The following CLPB variants were observed in gnomAD, a reference collection of about 807,000 sequenced individuals.
CLPB encodes the protein ClpB family mitochondrial disaggregase.
In CLPB, 40 loss-of-function variants were observed where a neutral mutation model predicts 78.4. That is an observed-to-expected ratio of 0.51 (90% CI 0.40 to 0.66). The LOEUF (loss-of-function observed/expected upper bound fraction) is 0.66, where lower values mean the gene tolerates loss of function less well. Among genes scored for constraint, CLPB ranks in the 30% least tolerant of loss-of-function variants. The probability of loss-of-function intolerance (pLI) is 0.00; values close to 1 mark genes in which losing one functional copy is unlikely to be tolerated. For missense variants in CLPB, 780 were observed against 886.9 expected, an observed-to-expected ratio of 0.88 and a Z score of 1.53; for synonymous variants, 333 against 348.0, an observed-to-expected ratio of 0.96 and a Z score of 0.48.
intron 2 of CLPB, among the ~76,000 whole-genome samples, chr11:72,423,507 T>G (rs1330724372): frequency 6.6e-6 from 1 of 152,264 alleles, no homozygotes; most frequent in Admixed American, 6.5e-5. Context: ...CCATCTCTGC[T>G]GCTGTCATCT....
At chr11:72,387,764 G>A (rs1314718144) in intron 3 of CLPB, among the ~76,000 whole-genome samples, 1 of 151,986 alleles carries the variant, frequency 6.6e-6, no homozygotes, top group Non-Finnish European at 1.5e-5. Flanking sequence ...ATCTATACCT[G>A]ACCACCCTAG....
At chr11:72,341,836 A>G in intron 5 of CLPB, among the ~76,000 whole-genome samples, 1 of 152,198 alleles carries the variant, frequency 6.6e-6, no homozygotes, top group Non-Finnish European at 1.5e-5. Flanking sequence ...GGCTTAATTT[A>G]TAGGCAGTGG....
chr11:72,393,903 T>C (rs1855326506), intron 3 of CLPB, among the ~76,000 whole-genome samples: 1 of 152,222 alleles, frequency 6.6e-6, no homozygotes, highest in Admixed American at 6.5e-5. Context: ...CCCTATTTTT[T>C]CACCCAATAT....
chr11:72,385,820 TCAAA>T (rs780250988), intron 3 of CLPB, among the ~76,000 whole-genome samples: 32 of 152,200 alleles, frequency 2.1e-4, no homozygotes, highest in Non-Finnish European at 3.2e-4. Flanking sequence ...AGACGCCGTC[TCAAA>T]CAAACAACAA....
At chr11:72,416,966 T>C (rs560668336) in intron 2 of CLPB, among the ~76,000 whole-genome samples, 2 of 152,252 alleles carry the variant, frequency 1.3e-5, no homozygotes, top group Non-Finnish European at 2.9e-5. Context: ...CACACGTTGC[T>C]TTTGGGAATG....
chr11:72,405,309 C>G (rs1855677744), intron 2 of CLPB, among the ~76,000 whole-genome samples: 2 of 152,206 alleles, frequency 1.3e-5, no homozygotes, highest in African/African-American at 2.4e-5. Flanking sequence ...GCATGCACAG[C>G]CAACACAAGA....
intron 2 of CLPB, among the ~76,000 whole-genome samples, chr11:72,418,836 AGAGT>A (rs1406916581): frequency 6.7e-6 from 1 of 149,332 alleles, no homozygotes; most frequent in African/African-American, 2.5e-5. Context: ...CCCTGGTGAC[AGAGT>A]GAGACTCCAT....
Position 72,358,953 on chromosome 11 carries a change from G to C in CLPB, c.702C>G (p.Phe234Leu). 6.2e-7 allele frequency: 1 copy of C among 1,613,298 alleles called. No individual in the cohort carries two copies. The highest frequency in any genetic ancestry group is 8.5e-7 in the Non-Finnish European group (1 of 1,179,914). ...FNNRLNNRASFKGCTALHYAV... is the reference protein window; with the variant it reads ...FNNRLNNRASLKGCTALHYAV... ...CATAGTGCAAGGCCGTGCAGCCCTT[G>C]AAACTGGCGCGGTTGTTCAGCCTGT... The change falls in exon 5 of 16, where the codon TTC becomes TTG. Residue 234 changes from phenylalanine to leucine, a missense_variant. Transcript: ENST00000538039.
chr11:72,334,522 C>G (rs1347220161), intron 5 of CLPB, among the ~76,000 whole-genome samples: 2 of 152,248 alleles, frequency 1.3e-5, no homozygotes, highest in Non-Finnish European at 2.9e-5. Flanking sequence ...TTGATAGAAC[C>G]TGACTTCTAC....
At chr11:72,350,265 T>TGCCC (rs58771355) in intron 5 of CLPB, among the ~76,000 whole-genome samples, 28,558 of 151,888 alleles carry the variant, frequency 0.19, 4,449 homozygotes, top group African/African-American at 0.44. Context: ...CTCCCCAAAA[T>TGCCC]TGGACTAGAC....
At chr11:72,433,331 G>A (rs956973417) in intron 1 of CLPB, among the ~76,000 whole-genome samples, 19 of 152,056 alleles carry the variant, frequency 1.2e-4, no homozygotes, top group African/African-American at 1.7e-4. Context: ...AGGCCAAGGC[G>A]GGTGGATCAG....
At chr11:72,359,336 T>TA (rs1950789764) in intron 4 of CLPB, 3 of 405,826 alleles carry the variant, frequency 7.4e-6, no homozygotes, top group Non-Finnish European at 9.6e-6. Context: ...AATGCTCTGT[T>TA]AGAGGTATAA....
intron 4 of CLPB, among the ~76,000 whole-genome samples, chr11:72,370,636 C>G (rs1232414259): frequency 1.3e-5 from 2 of 152,202 alleles, no homozygotes; most frequent in Admixed American, 6.5e-5. Context: ...GGGGCACATG[C>G]AGGCTGATAT....
intron 2 of CLPB, among the ~76,000 whole-genome samples, chr11:72,427,535 T>C (rs555495809): frequency 5.9e-5 from 9 of 152,326 alleles, no homozygotes; most frequent in Admixed American, 1.3e-4. Context: ...TCTTGTGACG[T>C]TGTAACTGTC....
At chr11:72,308,697 T>C (rs1004888180) in intron 7 of CLPB, 93 bp from the exon 8 acceptor site, 13 of 1,132,798 alleles carry the variant, frequency 1.1e-5, no homozygotes, top group Admixed American at 1.1e-4. Flanking sequence ...GTATACAATA[T>C]GTTTTACTGC....
At chr11:72,335,164 T>C (rs1240949886) in intron 5 of CLPB, among the ~76,000 whole-genome samples, 1 of 152,130 alleles carries the variant, frequency 6.6e-6, no homozygotes, top group Non-Finnish European at 1.5e-5. Context: ...TGATGCTGAT[T>C]GGTGCCACTA....
intron 4 of CLPB, among the ~76,000 whole-genome samples, chr11:72,364,502 C>T (rs866522226): frequency 9.9e-5 from 15 of 151,800 alleles, no homozygotes; most frequent in Middle Eastern, 6.8e-3. Flanking sequence ...TCACTGCGCC[C>T]GGCCAAAAAA....
rs372096809 is a variant in CLPB at position 72,293,380 on chromosome 11, C to T, written c.2021G>A (p.Cys674Tyr). 7 of 1,613,802 alleles carry T rather than the reference C, an allele frequency of 4.3e-6. No individual in the cohort carries two copies. The highest frequency in any genetic ancestry group is 5.9e-6 in the Non-Finnish European group (7 of 1,179,876). ...IRAPLHPEKV[C>Y]NTI is the part of the protein sequence containing the mutation. ...GGCAGGTGGCTGCTAGATGGTGTTG[C>T]ACACCTTCTCAGGGTGCAGTGGTGC... Residue 674 changes from cysteine (C) to tyrosine (Y), a missense_variant, in exon 16 of 16, where the codon TGC becomes TAC. By Grantham distance (194) the Cys-to-Tyr change is radical. Around this residue, in one of 3 missense-constraint regions of CLPB, gnomAD observed 272 missense variants for 304.0 expected, o/e 0.89. Transcript: ENST00000538039.
At chr11:72,415,791 C>T (rs566997517) in intron 2 of CLPB, among the ~76,000 whole-genome samples, 78 of 152,282 alleles carry the variant, frequency 5.1e-4, no homozygotes, top group African/African-American at 1.6e-3. Flanking sequence ...AATGCAAGGT[C>T]GGGCCATATT....
Sources: allele counts gnomAD v4.1 joint callset (sites outside exome capture counted in the v4.1 genomes callset), GRCh38; gene constraint gnomAD v4.1.1; regional missense constraint gnomAD v4.1.1; transcripts MANE v1.5; gene names NCBI Gene and HGNC (gene_info 2026-07-23, HGNC 2026-07-21).